The following RGPD3 variants were observed in gnomAD, a reference collection of about 807,000 sequenced individuals.
RGPD3 encodes the protein RANBP2 like and GRIP domain containing 3, also known as ranBP2-like and GRIP domain-containing protein 3.
In RGPD3, 62 loss-of-function variants were observed where a neutral mutation model predicts 154.5. The observed-to-expected ratio is 0.40, with a 90% CI of 0.33 to 0.50. The LOEUF (loss-of-function observed/expected upper bound fraction) is 0.50, where lower values mean the gene tolerates loss of function less well. RGPD3 is among the 20% of genes least tolerant of loss of function. The pLI, the probability that RGPD3 is intolerant of heterozygous loss-of-function variation, is 0.59. For missense variants in RGPD3, 919 were observed against 1,716.8 expected (o/e 0.54, Z 8.21); for synonymous variants, 308 against 607.0 (o/e 0.51, Z 7.24).
At chr2:106,465,640 T>C (rs529238657) in intron 1 of RGPD3, among the ~76,000 whole-genome samples, 1 of 151,808 alleles carries the variant, frequency 6.6e-6, no homozygotes, top group South Asian at 2.1e-4. Context: ...CAGCATTATT[T>C]ACATGTAAAG....
In RGPD3 at chr2:106,468,394, A is replaced by G; in HGVS notation, c.-106T>C. ...CTGAAAGCCACTGAGGCAGCGGCGT[A>G]GCCGGCGGAGGACCACTGTGACGAA... On this transcript the variant is annotated 5_prime_UTR_variant, in exon 1 of 23. Coordinates refer to ENST00000409886, the MANE Select transcript of RGPD3 (RefSeq NM_001144013.2). The G allele has an allele frequency of 6.5e-7, 1 of 1,535,134 alleles. No individual in the cohort carries two copies.
chr2:106,459,246 T>A lies in RGPD3; in HGVS notation c.140+19A>T. 9.6e-7 allele frequency: 1 copy of A among 1,040,868 alleles called. No homozygotes were observed. 64.5% of individuals were successfully genotyped at this position (1,040,868 alleles called of 1,614,324 possible). A position where few individuals can be genotyped will look rare whatever the true frequency, so the allele number is the denominator to read the frequency against. ...GCATTGATTTTAAAAAAAGAATACA[T>A]GTTACAGTTTGTACTTACTTTTTAG... is the stretch of plus-strand genomic sequence containing the variant. On this transcript the variant is annotated intron_variant, in intron 2 of 22. Coordinates refer to ENST00000409886, the MANE Select transcript of RGPD3 (RefSeq NM_001144013.2).
At position 106,467,665 on chromosome 2, in the gene RGPD3, G is replaced by C. The variant is rs868623762; in HGVS notation, c.72+552C>G. Reference sequence around the variant, plus strand: ...CAGAGCGCGCCAGGGAGCAGCGCCCGTCGGGAGCCATGACGCCTGAGCCAT... The same window carrying C: ...CAGAGCGCGCCAGGGAGCAGCGCCCCTCGGGAGCCATGACGCCTGAGCCAT... On this transcript the variant is annotated intron_variant, in intron 1 of 22. Coordinates refer to ENST00000409886, the MANE Select transcript of RGPD3 (RefSeq NM_001144013.2). Among the ~76,000 whole-genome samples, 296 of 138,568 alleles carry C rather than the reference G, an allele frequency of 2.1e-3. 1 individual carries two copies. Among genetic ancestry groups the C allele is most frequent in the African/African-American group, 8.1e-3 (279 of 34,268 alleles). The allele number at this position is 138,568 out of a possible 152,430, so 90.9% of individuals were successfully genotyped here.
intron 6 of RGPD3, among the ~76,000 whole-genome samples, chr2:106,451,173 G>A (rs1346537685): frequency 6.6e-6 from 1 of 150,578 alleles, no homozygotes; most frequent in Non-Finnish European, 1.5e-5. Context: ...TAAGAAAAAT[G>A]TAAAAGGAAC....
At chr2:106,442,496 TG>T (rs1227817429) in intron 7 of RGPD3, among the ~76,000 whole-genome samples, 2 of 82,364 alleles carry the variant, frequency 2.4e-5, no homozygotes, top group African/African-American at 4.7e-5. Context: ...CAATAACCTA[TG>T]AAAAAAAAAA....
At chr2:106,462,523 G>T (rs919668952) in intron 1 of RGPD3, among the ~76,000 whole-genome samples, 11 of 151,242 alleles carry the variant, frequency 7.3e-5, no homozygotes, top group African/African-American at 2.7e-4. Context: ...ATTCACTTAA[G>T]CTGCCAAATA....
chr2:106,409,533 A>G lies in RGPD3; in HGVS notation c.5266+3551T>C, dbSNP rs1676608112. ...TTACACCAATGCTGTTGAGAAGTCT[A>G]TTGTGAGGCAATGTGTCTTCTTTCT... On this transcript the variant is annotated intron_variant, in intron 22 of 22. Coordinates refer to ENST00000409886, the MANE Select transcript of RGPD3 (RefSeq NM_001144013.2). Among the ~76,000 whole-genome samples, 5 of 152,150 alleles carry G rather than the reference A, an allele frequency of 3.3e-5. No homozygotes were observed. In the South Asian group the frequency reaches 1.0e-3, roughly 32 times the overall value.
chr2:106,409,480 G>A (rs1161394706), intron 22 of RGPD3, among the ~76,000 whole-genome samples: 1 of 152,268 alleles, frequency 6.6e-6, no homozygotes, highest in Non-Finnish European at 1.5e-5. Context: ...AAGGTTGGCA[G>A]TTATTTCTTT....
rs764889294 is a variant in RGPD3 at position 106,423,939 on chromosome 2, T to C, written c.4028A>G (p.Asp1343Gly). The change falls in exon 20 of 23, where the codon GAT becomes GGT. Residue 1343 changes from aspartate (D) to glycine (G), a missense_variant. Transcript: ENST00000409886. ...QYFEPVVPLPDLVEVSSGEEN... is the reference protein window; with the variant it reads ...QYFEPVVPLPGLVEVSSGEEN... Reference sequence around the variant, plus strand: ...CTCACCACTGGATACTTCAACTAGATCAGGTAAAGGAACAACAGGTTCAAA... The same window carrying C: ...CTCACCACTGGATACTTCAACTAGACCAGGTAAAGGAACAACAGGTTCAAA... The C allele has an allele frequency of 1.1e-5, 17 of 1,611,846 alleles. No individual in the cohort carries two copies. The highest frequency in any genetic ancestry group is 2.7e-5 in the African/African-American group (2 of 74,920).
Position 106,423,806 on chromosome 2 carries a change from A to C in RGPD3, c.4161T>G (p.Asn1387Lys). Residue 1387 changes from asparagine to lysine, a missense_variant, in exon 20 of 23, where the codon AAT (asparagine) becomes AAG (lysine). Coordinates refer to ENST00000409886, the MANE Select transcript of RGPD3 (RefSeq NM_001144013.2). Reference protein sequence around the residue: ...RGIGDIKILQNYDNKHVRILM... With the variant: ...RGIGDIKILQKYDNKHVRILM... ...GTATACGAACGTGCTTATTATCATA[A>C]TTCTGTAAAATCTTTATATCACCAA... is the stretch of plus-strand genomic sequence containing the variant. The C allele has an allele frequency of 6.2e-7, 1 of 1,611,986 alleles. No individual in the cohort carries two copies. Among genetic ancestry groups the C allele is most frequent in the Non-Finnish European group, 8.5e-7 (1 of 1,179,868 alleles).
intron 7 of RGPD3, among the ~76,000 whole-genome samples, chr2:106,445,223 A>G (rs1275604424): frequency 6.9e-6 from 1 of 145,328 alleles, no homozygotes; most frequent in Non-Finnish European, 1.5e-5. Context: ...CAGGAGGCGG[A>G]GCTTGCAGTG....
rs1443156467 is a variant in RGPD3 at position 106,431,439 on chromosome 2, TCA to T, written c.2469+1494_2469+1495del. Among the ~76,000 whole-genome samples, 5 of 151,696 alleles carry T rather than the reference TCA, an allele frequency of 3.3e-5. 1 individual carries two copies. The highest frequency in any genetic ancestry group is 3.3e-4 in the Admixed American group (5 of 15,174). On this transcript the variant is annotated intron_variant, in intron 17 of 22. Transcript: ENST00000409886. ...ATTTTAAAGATAAGAAGCCAAACGG[TCA>T]CAAAGGAAGTGACTGGCCCAAGATC...
At chr2:106,464,787 A>G (rs1270193546) in intron 1 of RGPD3, among the ~76,000 whole-genome samples, 1 of 152,084 alleles carries the variant, frequency 6.6e-6, no homozygotes, top group East Asian at 1.9e-4. Flanking sequence ...GCAGTGGTGC[A>G]ATCTCTGCTC....
At chr2:106,412,675 C>G in intron 22 of RGPD3, 1 of 447,058 alleles carries the variant, frequency 2.2e-6, no homozygotes, top group Non-Finnish European at 4.5e-6. Flanking sequence ...AAGTGTTGGG[C>G]TCTATGGCTC....
At position 106,440,043 on chromosome 2, in the gene RGPD3, AC is replaced by A. The variant is rs1271134468; in HGVS notation, c.1067-867del. On this transcript the variant is annotated intron_variant, in intron 8 of 22. Coordinates refer to ENST00000409886, the MANE Select transcript of RGPD3 (RefSeq NM_001144013.2). The stretch of plus-strand genomic sequence containing the variant: ...AGAAGCCAGTCACAAAAGACCACAT[AC>A]TATATGATTCCATTTATGTGAAATG... Among the ~76,000 whole-genome samples, 4 of 65,336 alleles carry A rather than the reference AC, an allele frequency of 6.1e-5. No homozygotes were observed. In the Admixed American group the frequency reaches 8.0e-4, roughly 13 times the overall value. 42.9% of individuals were successfully genotyped at this position (65,336 alleles called of 152,430 possible). A position where few individuals can be genotyped will look rare whatever the true frequency, so the allele number is the denominator to read the frequency against.
rs752574985 is a variant in RGPD3, at chr2:106,425,166, T to A, written c.2801A>T (p.Glu934Val). The A allele has an allele frequency of 7.4e-6, 12 of 1,611,942 alleles. No individual in the cohort carries two copies. The African/African-American group carries it at 1.5e-4, about 20-fold the overall frequency. Residue 934 changes from glutamate to valine, a missense_variant, in exon 20 of 23, where the codon GAA becomes GTA. Transcript: ENST00000409886. ...KFGISEPGNQ[E>V]KKSEKPLEND... is the part of the protein sequence containing the mutation. ...TTCAAGAGGCTTTTCACTTTTCTTT[T>A]CTTGATTTCCTGGTTCCGAAATGCC...
intron 21 of RGPD3, among the ~76,000 whole-genome samples, chr2:106,414,430 T>A (rs1676761067): frequency 6.6e-6 from 1 of 152,018 alleles, no homozygotes; most frequent in Non-Finnish European, 1.5e-5. Context: ...TAGACCATCC[T>A]GGCCAACATG....
intron 7 of RGPD3, among the ~76,000 whole-genome samples, chr2:106,441,818 T>C (rs1380378657): frequency 7.7e-6 from 1 of 130,376 alleles, no homozygotes; most frequent in South Asian, 2.4e-4. Flanking sequence ...GCGCCGAGAC[T>C]GTGCCATTGC....
chr2:106,438,763 CAA>C (rs1009838758), intron 9 of RGPD3, among the ~76,000 whole-genome samples: 3 of 147,178 alleles, frequency 2.0e-5, no homozygotes, highest in Non-Finnish European at 4.5e-5. Flanking sequence ...GCATGGGCGA[CAA>C]GAGCAAAACT....
Sources: gnomAD v4.1 joint callset for allele counts (sites outside exome capture counted in the v4.1 genomes callset) on GRCh38, gnomAD v4.1.1 for gene constraint, MANE v1.5 for transcripts, NCBI Gene and HGNC (gene_info 2026-07-23, HGNC 2026-07-21) for gene names.